The following CSMD1 variants were observed in gnomAD, a reference collection of about 807,000 sequenced individuals.
CSMD1 encodes the protein CUB and Sushi multiple domains 1.
A neutral mutation model predicts 417.5 loss-of-function variants in CSMD1; 213 were observed. The observed-to-expected ratio is 0.51, with a 90% confidence interval of 0.46 to 0.57. The LOEUF (loss-of-function observed/expected upper bound fraction) is 0.57, where lower values mean the gene tolerates loss of function less well. Among genes scored for constraint, CSMD1 ranks in the 20% least tolerant of loss-of-function variants. The pLI is 0.00. For missense variants in CSMD1, 6,923 were observed against 4,529.7 expected (o/e 1.53, Z -15.17); for synonymous variants, 2,862 against 1,736.8 (o/e 1.65, Z -16.11).
chr8:4,475,559 G>A (rs146576480), intron 2 of CSMD1, among the ~76,000 whole-genome samples: 2 of 152,014 alleles, frequency 1.3e-5, no homozygotes, highest in Non-Finnish European at 2.9e-5. Flanking sequence ...CAACCTATAC[G>A]TCTTAAATAC....
At chr8:3,243,292 TC>T (rs1284639945) in intron 26 of CSMD1, among the ~76,000 whole-genome samples, 1 of 151,434 alleles carries the variant, frequency 6.6e-6, no homozygotes, top group Non-Finnish European at 1.5e-5. Flanking sequence ...CCAAGGGAGG[TC>T]CCCCGATCCG....
In CSMD1 at chr8:3,131,468, C is replaced by A. The variant is rs556711825; in HGVS notation, c.6241+10997G>T. Among the ~76,000 whole-genome samples the A allele has an allele frequency of 3.3e-5, 5 of 150,422 alleles. No homozygotes were observed. In the South Asian group the frequency reaches 1.0e-3, roughly 32 times the overall value. The stretch of plus-strand genomic sequence containing the variant: ...GACAAAGTCACAGGTTATGCTAATA[C>A]TAATTTTTTTTTTTTTTTTTTGACA... On this transcript the variant is annotated intron_variant, in intron 41 of 69. Coordinates refer to ENST00000635120, the MANE Select transcript of CSMD1 (RefSeq NM_033225.6).
chr8:3,767,203 T>C (rs1584965486), intron 5 of CSMD1, among the ~76,000 whole-genome samples: 1 of 152,228 alleles, frequency 6.6e-6, no homozygotes, highest in Non-Finnish European at 1.5e-5. Context: ...AGCAAGTTCA[T>C]TCCATGCACA....
chr8:3,876,457 T>C (rs2129117119), intron 5 of CSMD1, among the ~76,000 whole-genome samples: 2 of 152,330 alleles, frequency 1.3e-5, no homozygotes, highest in Middle Eastern at 6.8e-3. Flanking sequence ...TTCCTGTCTC[T>C]TGTTGGAGAG....
intron 3 of CSMD1, among the ~76,000 whole-genome samples, chr8:4,285,578 T>C (rs1474085315): frequency 6.6e-6 from 1 of 152,206 alleles, no homozygotes; most frequent in Non-Finnish European, 1.5e-5. Flanking sequence ...CTAATGCTGA[T>C]TTTGGACCAG....
At chr8:3,051,824 T>G (rs2128989170) in intron 50 of CSMD1, among the ~76,000 whole-genome samples, 1 of 152,294 alleles carries the variant, frequency 6.6e-6, no homozygotes, top group South Asian at 2.1e-4. Flanking sequence ...TGTATGTGAG[T>G]GGAACTATTC....
intron 3 of CSMD1, among the ~76,000 whole-genome samples, chr8:4,052,923 A>G (rs2130702023): frequency 6.6e-6 from 1 of 152,262 alleles, no homozygotes; most frequent in East Asian, 1.9e-4. Flanking sequence ...CTAGGCGCAG[A>G]GAGAAGTGGC....
intron 3 of CSMD1, among the ~76,000 whole-genome samples, chr8:4,042,132 T>A (rs928825290): frequency 1.1e-4 from 17 of 151,984 alleles, no homozygotes; most frequent in African/African-American, 4.1e-4. Context: ...ACAAATTACC[T>A]AAAAACTTCA....
chr8:4,394,515 G>A (rs960760877), intron 3 of CSMD1, among the ~76,000 whole-genome samples: 7 of 152,180 alleles, frequency 4.6e-5, no homozygotes, highest in African/African-American at 1.4e-4. Context: ...TGAGTGAGAT[G>A]AGGCGCTCAT....
rs35761429 is a variant in CSMD1 at position 3,466,577 on chromosome 8, A to ATT, written c.1561+2133_1561+2134dup. On this transcript the variant is annotated intron_variant, in intron 12 of 69. Coordinates refer to ENST00000635120, the MANE Select transcript of CSMD1 (RefSeq NM_033225.6). ...GGTACCCACCCTCCACAATCAGCTA[A>ATT]TTTTTTTTTTTTTTTTTTTTTTGTA... Among the ~76,000 whole-genome samples the ATT allele has an allele frequency of 6.6e-3, 749 of 113,574 alleles. 23 individuals carry two copies. Among genetic ancestry groups the ATT allele is most frequent in the African/African-American group, 0.023 (621 of 26,490 alleles). 74.5% of individuals were successfully genotyped at this position (113,574 alleles called of 152,430 possible).
In CSMD1 at chr8:4,054,053, C is replaced by G. The variant is rs1798568582; in HGVS notation, c.416-21954G>C. ...CTTTGCTTAGGAAGTTCACTGAGAG[C>G]CAAATGCTACTCCTATCTCTCTCTG... On this transcript the variant is annotated intron_variant, in intron 3 of 69. Transcript: ENST00000635120. Among the ~76,000 whole-genome samples, 6 of 152,232 alleles carry G rather than the reference C, an allele frequency of 3.9e-5. No homozygotes were observed. In the South Asian group the frequency reaches 6.2e-4, roughly 16 times the overall value.
At chr8:3,098,868 A>T (rs975784500) in intron 46 of CSMD1, among the ~76,000 whole-genome samples, 2 of 151,694 alleles carry the variant, frequency 1.3e-5, no homozygotes, top group African/African-American at 4.9e-5. Flanking sequence ...TCAGGGTTTT[A>T]ATTAGAGCCA....
chr8:4,675,960 G>A (rs1805657359), intron 1 of CSMD1, among the ~76,000 whole-genome samples: 1 of 152,158 alleles, frequency 6.6e-6, no homozygotes, highest in South Asian at 2.1e-4. Context: ...TTATGGATGT[G>A]TCTGCCTTTT....
chr8:3,898,670 T>C (rs1807524440), intron 5 of CSMD1, among the ~76,000 whole-genome samples: 1 of 152,214 alleles, frequency 6.6e-6, no homozygotes, highest in Non-Finnish European at 1.5e-5. Context: ...CTGGTATTTG[T>C]TGGTTTGTTT....
At chr8:4,474,238 C>A (rs182788848) in intron 2 of CSMD1, among the ~76,000 whole-genome samples, 57 of 151,936 alleles carry the variant, frequency 3.8e-4, no homozygotes, top group Admixed American at 7.9e-4. Context: ...AGGTATAACA[C>A]GAGACATAAA....
chr8:3,760,381 C>G (rs1011641438), intron 5 of CSMD1, among the ~76,000 whole-genome samples: 2 of 152,116 alleles, frequency 1.3e-5, no homozygotes, highest in Non-Finnish European at 2.9e-5. Flanking sequence ...AAATGGAGGA[C>G]TCATGGGATC....
intron 12 of CSMD1, among the ~76,000 whole-genome samples, chr8:3,424,411 C>T (rs1006814892): frequency 6.6e-6 from 1 of 152,156 alleles, no homozygotes; most frequent in Non-Finnish European, 1.5e-5. Flanking sequence ...GTGTACCAAG[C>T]AAAACATACC....
intron 7 of CSMD1, among the ~76,000 whole-genome samples, chr8:3,629,510 C>A (rs536768105): frequency 6.6e-6 from 1 of 151,872 alleles, no homozygotes; most frequent in Admixed American, 6.6e-5. Context: ...TCAATAAAGA[C>A]AACGTTACAG....
intron 34 of CSMD1, among the ~76,000 whole-genome samples, chr8:3,189,605 AACATGAT>A (rs1796296482): frequency 6.6e-6 from 1 of 152,220 alleles, no homozygotes; most frequent in Non-Finnish European, 1.5e-5. Context: ...ATAGCAAATC[AACATGAT>A]AATGGTTTTT....
Sources: gnomAD v4.1 joint callset for allele counts (sites outside exome capture counted in the v4.1 genomes callset) on GRCh38, gnomAD v4.1.1 for gene constraint, MANE v1.5 for transcripts, NCBI Gene and HGNC (gene_info 2026-07-23, HGNC 2026-07-21) for gene names.